The following RYR1 variants were observed in gnomAD, a reference collection of about 807,000 sequenced individuals.
RYR1 encodes the protein central core disease of muscle.
RYR1 carries 342 observed loss-of-function variants against 583.5 expected under a neutral mutation model. That is an observed-to-expected ratio of 0.59 (90% CI 0.54 to 0.64). RYR1 has a LOEUF of 0.64. RYR1 is among the 30% of genes least tolerant of loss of function. The pLI is 0.00. For missense variants in RYR1, 6,032 were observed against 6,917.2 expected (o/e 0.87, Z 4.54); for synonymous variants, 2,791 against 2,822.5 (o/e 0.99, Z 0.35).
chr19:38,534,988 A>T (rs1480197929), intron 79 of RYR1, among the ~76,000 whole-genome samples, 153 bp from the exon 80 acceptor site: 1 of 150,888 alleles, frequency 6.6e-6, no homozygotes, highest in Admixed American at 6.6e-5. Context: ...GCAATTTCTC[A>T]CTCATCCTTC....
In RYR1 at chr19:38,506,517, G is replaced by A. The variant is rs1568513553; in HGVS notation, c.8663G>A (p.Arg2888Gln). 3 of 1,614,070 alleles carry A rather than the reference G, an allele frequency of 1.9e-6. No homozygotes were observed. The highest frequency in any genetic ancestry group is 1.7e-5 in the Admixed American group (1 of 60,012). The change falls in exon 56 of 106, where the codon CGG becomes CAG. Residue 2888 changes from arginine to glutamine, a missense_variant. Arg to Gln is a conservative substitution (Grantham distance 43). This residue lies in a region of RYR1 where 1,493 missense variants were observed against 1,715.5 expected (regional missense o/e 0.87). Transcript: ENST00000359596. ...GAAAATTACCACAACACGTGGGGAC[G>A]GAAGAAGAAGCAGGAGCTGGAAGCC... ...LAENYHNTWG[R>Q]KKKQELEAKG...
Position 38,500,910 on chromosome 19 carries a change from A to G in RYR1, c.7534A>G (p.Ile2512Val). The change falls in exon 47 of 106, where the codon ATC becomes GTC. Residue 2512 changes from isoleucine to valine, a missense_variant. Physicochemically the swap from Ile to Val is conservative, Grantham distance 29 (BLOSUM62 3). This residue lies in a region of RYR1 where 2,627 missense variants were observed against 2,961.3 expected (regional missense o/e 0.89). Transcript: ENST00000359596. The surrounding 1 kb of genome is among the most constrained non-coding windows in gnomAD (Gnocchi z 5.9). ...GCTCTTCCTGGACCGTGTGTATGGC[A>G]TCGAGAACCAGGACTTCTTGCTGCA... is the stretch of plus-strand genomic sequence containing the variant. ...MVLFLDRVYG[I>V]ENQDFLLHVL... 1 of 1,613,490 alleles carries G rather than the reference A, an allele frequency of 6.2e-7. No homozygotes were observed. Among genetic ancestry groups the G allele is most frequent in the South Asian group, 1.1e-5 (1 of 91,046 alleles).
At chr19:38,571,189 T>A (rs1342802328) in intron 94 of RYR1, among the ~76,000 whole-genome samples, 2 of 152,100 alleles carry the variant, frequency 1.3e-5, no homozygotes, top group African/African-American at 4.8e-5. Flanking sequence ...TAAGGTAGAC[T>A]AGAGAGATCG....
Position 38,585,100 on chromosome 19 carries a change from G to A in RYR1, c.14803+1G>A. The stretch of plus-strand genomic sequence containing the variant: ...GTCATCCTGTTGGCCATCATCCAGG[G>A]TCAGTGCTGGGAGTGGGCGCTCAGG... On this transcript the variant is annotated splice_donor_variant, in intron 102 of 105. Transcript: ENST00000359596. LOFTEE classifies it high-confidence loss of function. 1 of 1,613,624 alleles carries A rather than the reference G, an allele frequency of 6.2e-7. No individual in the cohort carries two copies. Among genetic ancestry groups the A allele is most frequent in the Non-Finnish European group, 8.5e-7 (1 of 1,179,804 alleles).
At chr19:38,503,009 G>T (rs1970267465) in intron 49 of RYR1, 39 bp downstream of exon 49, 1 of 1,589,502 alleles carries the variant, frequency 6.3e-7, no homozygotes, top group Non-Finnish European at 8.6e-7. Context: ...TTTCCAGGCC[G>T]CACCCACTGG....
In RYR1 at chr19:38,466,315, G is replaced by T; in HGVS notation, c.3095G>T (p.Arg1032Leu). 4 of 1,608,358 alleles carry T rather than the reference G, an allele frequency of 2.5e-6. No homozygotes were observed. The highest frequency in any genetic ancestry group is 1.7e-6 in the Non-Finnish European group (2 of 1,178,290). The change falls in exon 24 of 106, where the codon CGC becomes CTC. Residue 1032 changes from arginine (R) to leucine (L), a missense_variant. By Grantham distance (102) the Arg-to-Leu change is moderately radical (BLOSUM62 -2). This residue lies in a region of RYR1 where 2,627 missense variants were observed against 2,961.3 expected (regional missense o/e 0.89). Coordinates refer to ENST00000359596, the MANE Select transcript of RYR1 (RefSeq NM_000540.3). ...PYRLLDEATK[R>L]SNRDSLCQAV... ...CGCCTGCTGGATGAAGCCACCAAGC[G>T]CAGCAACCGGGACAGCCTCTGCCAG...
At chr19:38,533,450 A>T (rs1324260136) in intron 78 of RYR1, among the ~76,000 whole-genome samples, 1 of 152,218 alleles carries the variant, frequency 6.6e-6, no homozygotes. Flanking sequence ...AAAATATTTT[A>T]AAAATGAATT....
Position 38,515,120 on chromosome 19 carries a change from A to T in RYR1, c.9554+13A>T, listed in dbSNP as rs1265960627. ...CTTATGTGGAAAAGTAAGGAGAGGG[A>T]GCCATCGTTTGGGGCTGGGTGGGGC... On this transcript the variant is annotated intron_variant, in intron 64 of 105. Transcript: ENST00000359596. The T allele has an allele frequency of 7.8e-6, 12 of 1,547,360 alleles. No individual in the cohort carries two copies. Among genetic ancestry groups the T allele is most frequent in the Non-Finnish European group, 1.1e-5 (12 of 1,128,790 alleles).
chr19:38,442,225 G>A, intron 2 of RYR1, 124 bp from the exon 3 acceptor site: 1 of 713,202 alleles, frequency 1.4e-6, no homozygotes, highest in Admixed American at 1.9e-5. Flanking sequence ...TTCCTGTGGG[G>A]TGGGGGTGGG....
In RYR1 at chr19:38,459,270, G is replaced by C. The variant is rs776172759; in HGVS notation, c.2292G>C (p.Gln764His). 9 of 1,613,992 alleles carry C rather than the reference G, an allele frequency of 5.6e-6. No homozygotes were observed. The Admixed American group carries it at 6.7e-5, about 12-fold the overall frequency. The change falls in exon 19 of 106, where the codon CAG (glutamine) becomes CAC (histidine). Residue 764 changes from glutamine to histidine, a missense_variant. Gln to His is a conservative substitution (Grantham distance 24). This residue lies in a region of RYR1 where 2,627 missense variants were observed against 2,961.3 expected (regional missense o/e 0.89). Coordinates refer to ENST00000359596, the MANE Select transcript of RYR1 (RefSeq NM_000540.3). ...ISFRINGCPV[Q>H]GVFESFNLDG... ...TCCGCATCAACGGCTGCCCCGTGCA[G>C]GGTGTCTTTGAGTCCTTCAACCTGG...
chr19:38,495,865 C>T (rs149287652), intron 39 of RYR1, among the ~76,000 whole-genome samples: 122 of 152,236 alleles, frequency 8.0e-4, no homozygotes, highest in East Asian at 2.3e-3. Flanking sequence ...CGGGTTCAAG[C>T]GATTCTCCCA....
chr19:38,533,154 T>C (rs1225962707), intron 78 of RYR1, among the ~76,000 whole-genome samples: 1 of 151,872 alleles, frequency 6.6e-6, no homozygotes, highest in Non-Finnish European at 1.5e-5. Flanking sequence ...AGGGGACTTC[T>C]GAGCAGAAGG....
intron 73 of RYR1, 178 bp downstream of exon 73, chr19:38,527,962 T>A: frequency 1.6e-6 from 1 of 630,582 alleles, no homozygotes; most frequent in Non-Finnish European, 2.6e-6. Flanking sequence ...GTCTGCTGCT[T>A]AATCTTGCAT....
rs1202346709 is a variant in RYR1, at chr19:38,573,174, C to G, written c.13999-3C>G. 2 of 1,613,774 alleles carry G rather than the reference C, an allele frequency of 1.2e-6. No individual in the cohort carries two copies. The highest frequency in any genetic ancestry group is 3.3e-5 in the Admixed American group (2 of 60,018). On this transcript the variant is annotated splice_polypyrimidine_tract_variant and splice_region_variant and intron_variant, in intron 95 of 105. Coordinates refer to ENST00000359596, the MANE Select transcript of RYR1 (RefSeq NM_000540.3). Reference sequence around the variant, plus strand: ...CCACCTTTGGCCTCCTCCCACTATCCAGGTGCCCCTGGTAATCTTTAAGCG... The same window carrying G: ...CCACCTTTGGCCTCCTCCCACTATCGAGGTGCCCCTGGTAATCTTTAAGCG...
intron 89 of RYR1, among the ~76,000 whole-genome samples, chr19:38,558,062 A>C (rs1272868460): frequency 2.6e-5 from 4 of 152,078 alleles, no homozygotes; most frequent in Non-Finnish European, 5.9e-5. Context: ...TAATCTCGAT[A>C]CTTTGGGAGG....
intron 66 of RYR1, among the ~76,000 whole-genome samples, chr19:38,518,764 A>C (rs1195882988): frequency 2.0e-5 from 3 of 152,076 alleles, no homozygotes; most frequent in Non-Finnish European, 4.4e-5. Flanking sequence ...CCCCATCTCT[A>C]CCAAAAATAC....
At chr19:38,547,140 C>T (rs571445931) in intron 88 of RYR1, among the ~76,000 whole-genome samples, 3 of 150,834 alleles carry the variant, frequency 2.0e-5, no homozygotes, top group Non-Finnish European at 3.0e-5. Context: ...CCCAGGTTCA[C>T]GCCATTCTCC....
At chr19:38,528,084 C>A in intron 73 of RYR1, 1 of 634,186 alleles carries the variant, frequency 1.6e-6, no homozygotes, top group Non-Finnish European at 2.8e-6. Context: ...TGGTCGTGGC[C>A]TGGCTCGTGG....
In RYR1 at chr19:38,500,627, G is replaced by A. The variant is rs1188413933; in HGVS notation, c.7345G>A (p.Glu2449Lys). Residue 2449 changes from glutamate (E) to lysine (K), a missense_variant, in exon 46 of 106, where the codon GAG (glutamate) becomes AAG (lysine). Physicochemically the swap from Glu to Lys is moderately conservative, Grantham distance 56 (BLOSUM62 1). Transcript: ENST00000359596. This position sits in a 1 kb window ranked among gnomAD's most constrained non-coding sequence, Gnocchi z 5.9. The part of the protein sequence containing the change: ...EMHLIQAGKG[E>K]ALRIRAILRS... ...CCAGCTAATCCAAGCCGGCAAGGGT[G>A]AGGCCCTGCGGATCCGCGCCATCCT... 6.2e-7 allele frequency: 1 copy of A among 1,613,306 alleles called. No individual in the cohort carries two copies. The highest frequency in any genetic ancestry group is 1.3e-5 in the African/African-American group (1 of 75,008).
Sources: gnomAD v4.1 joint callset for allele counts (sites outside exome capture counted in the v4.1 genomes callset) on GRCh38, gnomAD v4.1.1 for gene constraint, gnomAD v4.1.1 regional missense constraint, Gnocchi (gnomAD v3.1) non-coding constraint, MANE v1.5 for transcripts, NCBI Gene and HGNC (gene_info 2026-07-23, HGNC 2026-07-21) for gene names.